The following TNRC18 variants were observed in gnomAD, a reference collection of about 807,000 sequenced individuals.
The protein encoded by TNRC18 is trinucleotide repeat containing 18.
Under a neutral mutation model 226.7 loss-of-function variants are expected in TNRC18, and 69 were observed. The observed-to-expected ratio is 0.30, with a 90% CI of 0.25 to 0.37. The LOEUF (loss-of-function observed/expected upper bound fraction) is 0.37. Among genes scored for constraint, TNRC18 ranks in the 10% least tolerant of loss-of-function variants. TNRC18 has a pLI of 1.00. For synonymous variants in TNRC18, 2,449 were observed against 1,927.6 expected, an observed-to-expected ratio of 1.27 and a Z score of -7.09; for missense variants, 4,754 against 4,256.6, an observed-to-expected ratio of 1.12 and a Z score of -3.25.
Position 5,374,190 on chromosome 7 carries a change from T to C in TNRC18, c.3094A>G (p.Thr1032Ala). ...GGTGGGGAGGCGGGCGGCGGGCTGG[T>C]GGGGTGGGAGCTGGGGGTGGCGGGG... ...AYPATPSSHP[T>A]SPPPASPPPT... Residue 1032 changes from threonine (T) to alanine (A), a missense_variant, in exon 10 of 30, where the codon ACC (threonine) becomes GCC (alanine). By Grantham distance (58) the Thr-to-Ala change is moderately conservative. Coordinates refer to ENST00000430969, the MANE Select transcript of TNRC18 (RefSeq NM_001080495.3). The C allele has an allele frequency of 2.6e-5, 2 of 77,220 alleles. No homozygotes were observed. Among genetic ancestry groups the C allele is most frequent in the Non-Finnish European group, 3.3e-5 (2 of 60,356 alleles). The allele number at this position is 77,220 out of a possible 1,614,324, so 4.8% of individuals were successfully genotyped here.
At chr7:5,383,916 C>T (rs1779571948) in intron 5 of TNRC18, among the ~76,000 whole-genome samples, 1 of 149,912 alleles carries the variant, frequency 6.7e-6, no homozygotes, top group Non-Finnish European at 1.5e-5. Context: ...CTTTAGCCTC[C>T]TAAGTAGCTG....
Position 5,345,800 on chromosome 7 carries a change from C to A in TNRC18, c.5481G>T (p.Ser1827=). The change falls in exon 18 of 30, where the codon TCG becomes TCT. Residue 1827 remains serine, a synonymous_variant. Coordinates refer to ENST00000430969, the MANE Select transcript of TNRC18 (RefSeq NM_001080495.3). The part of the protein sequence containing the change: ...SEESFDQDES[S]EEEDEEEELE... ...GCTCCTCCTCCTCGTCCTCCTCCTCCGAGCTCTCATCTGGCGTGCAGAAAA... is the reference window on the plus strand; with the variant it reads ...GCTCCTCCTCCTCGTCCTCCTCCTCAGAGCTCTCATCTGGCGTGCAGAAAA... 6.5e-7 allele frequency: 1 copy of A among 1,543,712 alleles called. No individual in the cohort carries two copies.
chr7:5,358,127 G>A (rs1792649551), intron 15 of TNRC18, among the ~76,000 whole-genome samples: 3 of 152,226 alleles, frequency 2.0e-5, no homozygotes, highest in Non-Finnish European at 1.5e-5. Flanking sequence ...AAGTACTAGT[G>A]CACACTCCAA....
At chr7:5,352,364 T>C (rs1042954252) in intron 16 of TNRC18, among the ~76,000 whole-genome samples, 1 of 151,948 alleles carries the variant, frequency 6.6e-6, no homozygotes, top group Non-Finnish European at 1.5e-5. Flanking sequence ...GCTGCCAGCC[T>C]CACCCACCAG....
chr7:5,324,407 G>A lies in TNRC18; in HGVS notation c.6301-52C>T. On this transcript the variant is annotated intron_variant, in intron 20 of 29. Coordinates refer to ENST00000430969, the MANE Select transcript of TNRC18 (RefSeq NM_001080495.3). This position sits in a 1 kb window ranked among gnomAD's most constrained non-coding sequence, Gnocchi z 4.8. ...GACTTAGGACCTGAACAGGGGTCCT[G>A]CCGGGTTGGGGACCCTCTCTGGAAA... 1 of 1,595,374 alleles carries A rather than the reference G, an allele frequency of 6.3e-7. No individual in the cohort carries two copies. The highest frequency in any genetic ancestry group is 8.5e-7 in the Non-Finnish European group (1 of 1,170,684).
intron 19 of TNRC18, among the ~76,000 whole-genome samples, chr7:5,331,728 AG>A (rs1460667688): frequency 3.3e-5 from 5 of 152,198 alleles, no homozygotes; most frequent in Non-Finnish European, 7.3e-5. Flanking sequence ...TGGGCAATGC[AG>A]CAAGACCTTG....
chr7:5,409,199 C>T (rs1353206255), intron 2 of TNRC18, among the ~76,000 whole-genome samples: 2 of 151,866 alleles, frequency 1.3e-5, no homozygotes, highest in South Asian at 4.2e-4. Context: ...TCAGCAGGTG[C>T]CCACGGGAAG....
Position 5,397,668 on chromosome 7 carries a change from G to A in TNRC18, c.188-3073C>T, listed in dbSNP as rs569073898. Among the ~76,000 whole-genome samples, 22 of 152,048 alleles carry A rather than the reference G, an allele frequency of 1.4e-4. No individual in the cohort carries two copies. In the South Asian group the frequency reaches 1.7e-3, roughly 12 times the overall value. On this transcript the variant is annotated intron_variant, in intron 2 of 29. Transcript: ENST00000430969. ...CACGTCAGGAGCCTGCCCCTTTCCC[G>A]CCTGGCCCGTCAGGCACGAACTCCC...
intron 9 of TNRC18, among the ~76,000 whole-genome samples, chr7:5,375,041 T>C (rs889143309): frequency 3.3e-5 from 5 of 152,090 alleles, no homozygotes; most frequent in Admixed American, 3.3e-4. Flanking sequence ...CCGGGCACAG[T>C]GCTCCCGCCT....
intron 17 of TNRC18, among the ~76,000 whole-genome samples, chr7:5,350,374 G>A (rs1382096890): frequency 6.6e-6 from 1 of 150,856 alleles, no homozygotes; most frequent in East Asian, 2.0e-4. Flanking sequence ...ATTTGGAGGG[G>A]AGGTCTGGGA....
chr7:5,327,102 G>A (rs1244409570), intron 19 of TNRC18, among the ~76,000 whole-genome samples: 7 of 152,182 alleles, frequency 4.6e-5, no homozygotes, highest in South Asian at 2.1e-4. Flanking sequence ...CAGCCTGGGC[G>A]ACAGAGTGAG....
intron 15 of TNRC18, 48 bp downstream of exon 15, chr7:5,359,350 G>C: frequency 6.2e-7 from 1 of 1,604,348 alleles, no homozygotes; most frequent in Non-Finnish European, 8.5e-7. Context: ...ACACCCTCCA[G>C]ACACCTCCCT....
rs150486454 is a variant in TNRC18, at chr7:5,309,501, G to A, written c.8389-133C>T. On this transcript the variant is annotated intron_variant, in intron 27 of 29. Coordinates refer to ENST00000430969, the MANE Select transcript of TNRC18 (RefSeq NM_001080495.3). The surrounding 1 kb of genome is among the most constrained non-coding windows in gnomAD (Gnocchi z 5.7). ...CCCCTATCCAACTGTGGGGAGATGA[G>A]GAAGCTCCTTGTCTCGCTTCAAGTG... 895 of 735,646 alleles carry A rather than the reference G, an allele frequency of 1.2e-3. 4 individuals are homozygous for A. The African/African-American group carries it at 0.014, about 12-fold the overall frequency. 45.6% of individuals were successfully genotyped at this position (735,646 alleles called of 1,614,324 possible).
Position 5,315,014 on chromosome 7 carries a change from C to T in TNRC18, c.6997G>A (p.Gly2333Arg), listed in dbSNP as rs1460673213. ...EEPGAKARGR[G>R]RKPSAKAKGD... Reference sequence around the variant, plus strand: ...TTGGCCTTGGCGCTGGGTTTCCGCCCACGCCCACGGGCCTTGGCTCCTGGC... The same window carrying T: ...TTGGCCTTGGCGCTGGGTTTCCGCCTACGCCCACGGGCCTTGGCTCCTGGC... Residue 2333 changes from glycine to arginine, a missense_variant, in exon 26 of 30, where the codon GGG becomes AGG. Transcript: ENST00000430969. The T allele has an allele frequency of 1.2e-6, 2 of 1,607,944 alleles. No individual in the cohort carries two copies. Among genetic ancestry groups the T allele is most frequent in the Non-Finnish European group, 1.7e-6 (2 of 1,177,944 alleles).
At chr7:5,362,120 A>G (rs558215727) in intron 12 of TNRC18, 87 bp from the exon 13 acceptor site, 529 of 1,506,014 alleles carry the variant, frequency 3.5e-4, no homozygotes, top group Non-Finnish European at 4.7e-4. Context: ...CCCCTGAGGA[A>G]GGGGAGACTG....
chr7:5,344,073 G>C (rs1218318650), intron 18 of TNRC18, among the ~76,000 whole-genome samples: 1 of 152,234 alleles, frequency 6.6e-6, no homozygotes, highest in Non-Finnish European at 1.5e-5. Context: ...CCTTCAGACA[G>C]TCAACGCAGA....
chr7:5,313,007 G>C lies in TNRC18; in HGVS notation c.7884C>G (p.Ser2628=). ...AGGAGGAGGAGGAAGAGGAGGATGA[G>C]GAGGAGGAGGAGGAGGAGGAGGAGG... is the stretch of plus-strand genomic sequence containing the variant. ...SSSSSSSSSS[S]SSSSSSSSSS... The change falls in exon 27 of 30, where the codon TCC becomes TCG. Residue 2628 remains serine, a synonymous_variant. Transcript: ENST00000430969. 1 of 451,246 alleles carries C rather than the reference G, an allele frequency of 2.2e-6. No individual in the cohort carries two copies. Among genetic ancestry groups the C allele is most frequent in the South Asian group, 3.5e-5 (1 of 28,296 alleles). 28.0% of individuals were successfully genotyped at this position (451,246 alleles called of 1,614,324 possible).
At chr7:5,406,724 G>A (rs978197789) in intron 2 of TNRC18, among the ~76,000 whole-genome samples, 3 of 151,514 alleles carry the variant, frequency 2.0e-5, no homozygotes, top group African/African-American at 7.3e-5. Flanking sequence ...GGTGGCAGAT[G>A]CCTGTAATTG....
chr7:5,408,732 A>G (rs1562633449), intron 2 of TNRC18, among the ~76,000 whole-genome samples: 1 of 152,182 alleles, frequency 6.6e-6, no homozygotes, highest in Non-Finnish European at 1.5e-5. Context: ...TGGGGAAAAG[A>G]AACACTTAGG....
Sources: allele counts gnomAD v4.1 joint callset (sites outside exome capture counted in the v4.1 genomes callset), GRCh38; gene constraint gnomAD v4.1.1; non-coding constraint Gnocchi (gnomAD v3.1); transcripts MANE v1.5; gene names NCBI Gene and HGNC (gene_info 2026-07-23, HGNC 2026-07-21).